ABCG5: variants seen among roughly 807,000 people sequenced by gnomAD.
ABCG5 encodes the protein ATP-binding cassette sub-family G member 5.
ABCG5 carries 64 observed loss-of-function variants against 64.5 expected under a neutral mutation model. The observed-to-expected ratio is 0.99, with a 90% CI of 0.81 to 1.22. ABCG5 has a LOEUF of 1.22. Ranked by LOEUF, ABCG5 falls within the 50% of genes most tolerant of loss-of-function variation. ABCG5 has a pLI of 0.00. For missense variants in ABCG5, 908 were observed against 829.5 expected, an observed-to-expected ratio of 1.09 and a Z score of -1.16; for synonymous variants, 385 against 326.3, an observed-to-expected ratio of 1.18 and a Z score of -1.94.
Position 43,822,936 on chromosome 2 carries a change from C to A in ABCG5, c.1325-1G>T, listed in dbSNP as rs768019354. Reference sequence around the variant, plus strand: ...TCGCTGACAGCTCGCAGCACGGGAACTGGGGATGGAAGGCAGGTTTCAGAA... The same window carrying A: ...TCGCTGACAGCTCGCAGCACGGGAAATGGGGATGGAAGGCAGGTTTCAGAA... On this transcript the variant is annotated splice_acceptor_variant, in intron 9 of 12. Coordinates refer to ENST00000405322, the MANE Select transcript of ABCG5 (RefSeq NM_022436.3). LOFTEE classifies it high-confidence loss of function. 9 of 1,613,816 alleles carry A rather than the reference C, an allele frequency of 5.6e-6. No individual in the cohort carries two copies. The highest frequency in any genetic ancestry group is 7.6e-6 in the Non-Finnish European group (9 of 1,179,904).
chr2:43,832,074 T>A lies in ABCG5; in HGVS notation c.275A>T (p.Lys92Ile). The A allele has an allele frequency of 1.3e-6, 2 of 1,580,902 alleles. No homozygotes were observed. Among genetic ancestry groups the A allele is most frequent in the African/African-American group, 1.3e-5 (1 of 74,466 alleles). The change falls in exon 3 of 13, where the codon AAA (lysine) becomes ATA (isoleucine). Residue 92 changes from lysine (K) to isoleucine (I), a missense_variant. Physicochemically the swap from Lys to Ile is moderately radical, Grantham distance 102. Coordinates refer to ENST00000405322, the MANE Select transcript of ABCG5 (RefSeq NM_022436.3). ...GGACATGGCGTCCAGCAGCGTGGTTTTCCCGGAGCCTGCGGGGCGACAACA... is the reference window on the plus strand; with the variant it reads ...GGACATGGCGTCCAGCAGCGTGGTTATCCCGGAGCCTGCGGGGCGACAACA... Reference protein sequence around the residue: ...MCILGSSGSGKTTLLDAMSGR... With the variant: ...MCILGSSGSGITTLLDAMSGR...
At chr2:43,823,833 G>A in intron 9 of ABCG5, 80 bp downstream of exon 9, 3 of 1,516,382 alleles carry the variant, frequency 2.0e-6, no homozygotes. Flanking sequence ...CCTTATAATG[G>A]TAGACTTTTG....
In ABCG5 at chr2:43,823,937, C is replaced by G; in HGVS notation, c.1300G>C (p.Gly434Arg). The G allele has an allele frequency of 6.2e-7, 1 of 1,614,194 alleles. No individual in the cohort carries two copies. The highest frequency in any genetic ancestry group is 1.1e-5 in the South Asian group (1 of 91,072). Reference protein sequence around the residue: ...YQFVGATPYTGMLNAVNLFPV... With the variant: ...YQFVGATPYTRMLNAVNLFPV... ...CACAGATTCACAGCGTTCAGCATGC[C>G]TGTGTACGGGGTGGCGCCCACAAAC... The change falls in exon 9 of 13, where the codon GGC (glycine) becomes CGC (arginine). Residue 434 changes from glycine (G) to arginine (R), a missense_variant. Physicochemically the swap from Gly to Arg is moderately radical, Grantham distance 125. Transcript: ENST00000405322.
chr2:43,829,693 GAC>G (rs1408421090), intron 4 of ABCG5, among the ~76,000 whole-genome samples: 1 of 152,136 alleles, frequency 6.6e-6, no homozygotes, highest in Non-Finnish European at 1.5e-5. Flanking sequence ...AGCAGAAAGA[GAC>G]AGAAGATACT....
At chr2:43,818,450 A>C (rs1445838313) in intron 11 of ABCG5, among the ~76,000 whole-genome samples, 1 of 151,992 alleles carries the variant, frequency 6.6e-6, no homozygotes, top group African/African-American at 2.4e-5. Context: ...TTTCAAAAAA[A>C]CAAAAACAAA....
chr2:43,830,292 G>C (rs1667883282), intron 4 of ABCG5, among the ~76,000 whole-genome samples: 1 of 152,238 alleles, frequency 6.6e-6, no homozygotes, highest in Admixed American at 6.5e-5. Context: ...TCCATGCTCT[G>C]TGCTTTCACG....
At chr2:43,809,385 C>T (rs1183744166), downstream of ABCG5, among the ~76,000 whole-genome samples, 1 of 152,148 alleles carries the variant, frequency 6.6e-6, no homozygotes, top group Non-Finnish European at 1.5e-5. Flanking sequence ...CTTTTGAATA[C>T]TTGAAGGATG....
In ABCG5 at chr2:43,824,506, C is replaced by A; in HGVS notation, c.905-74G>T. ...TATGTACATGGATATACAATTGGTA[C>A]AGGAGTACTGGCCATAATACCTCAT... On this transcript the variant is annotated intron_variant, in intron 7 of 12. Coordinates refer to ENST00000405322, the MANE Select transcript of ABCG5 (RefSeq NM_022436.3). The A allele has an allele frequency of 3.8e-6, 6 of 1,599,792 alleles. No individual in the cohort carries two copies. In the South Asian group the frequency reaches 6.6e-5, roughly 18 times the overall value.
intron 4 of ABCG5, chr2:43,828,501 A>G (rs1667771527): frequency 2.6e-6 from 1 of 378,666 alleles, no homozygotes; most frequent in African/African-American, 2.2e-5. Context: ...AAAGAAAGAA[A>G]AAAACAATAA....
Position 43,824,258 on chromosome 2 carries a change from T to A in ABCG5, c.1079A>T (p.Asp360Val). 6.2e-7 allele frequency: 1 copy of A among 1,614,246 alleles called. No individual in the cohort carries two copies. Among genetic ancestry groups the A allele is most frequent in the South Asian group, 1.1e-5 (1 of 91,086 alleles). The stretch of plus-strand genomic sequence containing the variant: ...CAGTTTAGAGAAAACTCCAGGAGAA[T>A]CTTTGGTTTTGAAAGGAACCATTGG... ...TLPMVPFKTKDSPGVFSKLGV... is the reference protein window; with the variant it reads ...TLPMVPFKTKVSPGVFSKLGV... The change falls in exon 8 of 13, where the codon GAT (aspartate) becomes GTT (valine). Residue 360 changes from aspartate to valine, a missense_variant. By Grantham distance (152) the Asp-to-Val change is radical (BLOSUM62 -3). Coordinates refer to ENST00000405322, the MANE Select transcript of ABCG5 (RefSeq NM_022436.3).
intron 6 of ABCG5, among the ~76,000 whole-genome samples, chr2:43,825,681 C>T (rs1446467223): frequency 6.6e-6 from 1 of 152,018 alleles, no homozygotes; most frequent in Admixed American, 6.6e-5. Flanking sequence ...GGCACAATCC[C>T]AGCTCTCTGC....
chr2:43,824,136 T>C lies in ABCG5; in HGVS notation c.1119-18A>G. ...TCACTCTCCTGAAAACAAACAACCC[T>C]GTTTTAATTCCTTTTCAGAATTGTT... On this transcript the variant is annotated intron_variant, in intron 8 of 12. Coordinates refer to ENST00000405322, the MANE Select transcript of ABCG5 (RefSeq NM_022436.3). 1 of 1,614,194 alleles carries C rather than the reference T, an allele frequency of 6.2e-7. No homozygotes were observed. Among genetic ancestry groups the C allele is most frequent in the Non-Finnish European group, 8.5e-7 (1 of 1,180,016 alleles).
chr2:43,824,683 AGTTT>A (rs1667478680), intron 7 of ABCG5: 5 of 971,890 alleles, frequency 5.1e-6, no homozygotes, highest in African/African-American at 1.8e-5. Context: ...GCAGTGCGCC[AGTTT>A]GTTTGAGAGA....
At chr2:43,827,852 G>C (rs56266464) in intron 5 of ABCG5, 131 bp downstream of exon 5, 5 of 1,444,322 alleles carry the variant, frequency 3.5e-6, no homozygotes, top group African/African-American at 1.4e-5. Flanking sequence ...TCCTCAGTTT[G>C]AAAAACCTGT....
downstream of ABCG5, chr2:43,810,305 C>A: frequency 1.1e-6 from 1 of 950,180 alleles, no homozygotes; most frequent in Non-Finnish European, 1.3e-6. Flanking sequence ...TGGAATGGGG[C>A]ATTTTTAATC....
At chr2:43,810,589 A>G (rs563559162), downstream of ABCG5, 2 of 900,378 alleles carry the variant, frequency 2.2e-6, no homozygotes, top group East Asian at 2.4e-4. Context: ...CATACAAAAT[A>G]TATTGACTCC....
chr2:43,812,803 C>A lies in ABCG5; in HGVS notation c.*313G>T. ...TTAAGCTGACCTATTTTTTTCTGTG[C>A]CTAGAACAAGGAAAAAAAATAGTCA... On this transcript the variant is annotated 3_prime_UTR_variant, in exon 13 of 13. Coordinates refer to ENST00000405322, the MANE Select transcript of ABCG5 (RefSeq NM_022436.3). 3.1e-6 allele frequency: 1 copy of A among 319,984 alleles called. No homozygotes were observed. The highest frequency in any genetic ancestry group is 4.2e-5 in the South Asian group (1 of 23,784). The allele number at this position is 319,984 out of a possible 1,614,324, so 19.8% of individuals were successfully genotyped here.
At chr2:43,828,510 A>T (rs9789463) in intron 4 of ABCG5, 1 of 367,566 alleles carries the variant, frequency 2.7e-6, no homozygotes, top group Non-Finnish European at 5.1e-6. Flanking sequence ...AAAAAACAAT[A>T]AATTAGCCGG....
chr2:43,827,998 G>A lies in ABCG5; in HGVS notation c.619C>T (p.Leu207=). 1 of 1,614,096 alleles carries A rather than the reference G, an allele frequency of 6.2e-7. No individual in the cohort carries two copies. Among genetic ancestry groups the A allele is most frequent in the Non-Finnish European group, 8.5e-7 (1 of 1,180,034 alleles). ...ERRRVSIAAQ[L]LQDPKVMLFD... ...TGCCACTTACTAGGATCCTGGAGCA[G>A]CTGGGCTGCGATGGAGACCCGGCGC... The change falls in exon 5 of 13, where the codon CTG becomes TTG. Residue 207 remains leucine, a synonymous_variant. Coordinates refer to ENST00000405322, the MANE Select transcript of ABCG5 (RefSeq NM_022436.3).
Sources: gnomAD v4.1 joint callset for allele counts (sites outside exome capture counted in the v4.1 genomes callset) on GRCh38, gnomAD v4.1.1 for gene constraint, MANE v1.5 for transcripts, NCBI Gene and HGNC (gene_info 2026-07-23, HGNC 2026-07-21) for gene names.